The following PUS7L variants were observed in gnomAD, a reference collection of about 807,000 sequenced individuals.
The protein encoded by PUS7L is pseudouridine synthase 7 like.
A neutral mutation model predicts 51.1 loss-of-function variants in PUS7L; 49 were observed. That is an observed-to-expected ratio of 0.96 (90% CI 0.76 to 1.22). The LOEUF (loss-of-function observed/expected upper bound fraction) is 1.22, where lower values mean the gene tolerates loss of function less well. PUS7L is among the 50% of genes most tolerant of loss of function. The pLI is 0.00. For synonymous variants in PUS7L, 277 were observed against 276.2 expected (o/e 1.00, Z -0.03); for missense variants, 828 against 820.6 (o/e 1.01, Z -0.11).
chr12:43,751,488 G>T (rs1938442405), intron 2 of PUS7L, among the ~76,000 whole-genome samples: 1 of 151,942 alleles, frequency 6.6e-6, no homozygotes, highest in African/African-American at 2.4e-5. Context: ...GAGAATGATG[G>T]TTTCCAGCTT....
At chr12:43,758,659 C>CCG in intron 1 of PUS7L, 71 bp downstream of exon 1, 1 of 727,164 alleles carries the variant, frequency 1.4e-6, no homozygotes, top group Non-Finnish European at 1.6e-6. Flanking sequence ...TCGTCACCCC[C>CCG]CCCCCCCACA....
chr12:43,755,222 T>C lies in PUS7L; in HGVS notation c.24A>G (p.Arg8=). The C allele has an allele frequency of 6.2e-7, 1 of 1,600,790 alleles. No homozygotes were observed. Among genetic ancestry groups the C allele is most frequent in the Non-Finnish European group, 8.5e-7 (1 of 1,173,982 alleles). Residue 8 remains arginine (R), a synonymous_variant, in exon 2 of 9, where the codon AGA becomes AGG. Transcript: ENST00000344862. ...AGAAACACAAAGAACTAAACCTGAT[T>C]CTATAATCTGTATCTTCTTCCATTC... MEEDTDY[R]IRFSSLCFFN...
At chr12:43,736,804 T>A in intron 6 of PUS7L, 143 bp from the exon 7 acceptor site, 1 of 626,170 alleles carries the variant, frequency 1.6e-6, no homozygotes, top group Admixed American at 2.9e-5. Flanking sequence ...CTAGCTACAC[T>A]TGAAGAGCTT....
At chr12:43,747,948 C>T (rs957365015) in intron 3 of PUS7L, among the ~76,000 whole-genome samples, 2 of 152,108 alleles carry the variant, frequency 1.3e-5, no homozygotes, top group African/African-American at 4.8e-5. Flanking sequence ...CCATCACATC[C>T]AGCTAATTTT....
chr12:43,723,143 T>C lies in PUS7L; in HGVS notation c.*7233A>G, dbSNP rs544460666. ...AATTTCATGGCTATTCTGACTTCTT[T>C]CCATAGTAAAATTTTTCTTTTGTAA... On this transcript the variant is annotated 3_prime_UTR_variant, in exon 9 of 9. Transcript: ENST00000344862. The C allele has an allele frequency of 6.6e-6, 1 of 152,122 alleles. No homozygotes were observed. The highest frequency in any genetic ancestry group is 1.5e-5 in the Non-Finnish European group (1 of 67,974). The allele number at this position is 152,122 out of a possible 1,614,324, so 9.4% of individuals were successfully genotyped here.
In PUS7L at chr12:43,754,844, A is replaced by G. The variant is rs757244652; in HGVS notation, c.402T>C (p.His134=). ...VLSSFLDEKT[H]ELLNNFACDV... ...CACAGGCAAAATTATTCAGTAACTC[A>G]TGAGTTTTTTCATCCAAAAAGGAGC... Residue 134 remains histidine (H), a synonymous_variant, in exon 2 of 9, where the codon CAT becomes CAC. Transcript: ENST00000344862. 6.2e-7 allele frequency: 1 copy of G among 1,613,730 alleles called. No individual in the cohort carries two copies. Among genetic ancestry groups the G allele is most frequent in the Non-Finnish European group, 8.5e-7 (1 of 1,179,838 alleles).
intron 4 of PUS7L, among the ~76,000 whole-genome samples, chr12:43,745,359 A>C (rs926095760): frequency 1.3e-5 from 2 of 152,148 alleles, no homozygotes; most frequent in Non-Finnish European, 2.9e-5. Flanking sequence ...CATAATCCCC[A>C]CTTGTCATGG....
At chr12:43,747,076 T>C (rs558862605) in intron 3 of PUS7L, among the ~76,000 whole-genome samples, 273 of 152,280 alleles carry the variant, frequency 1.8e-3, no homozygotes, top group African/African-American at 6.3e-3. Context: ...TACTTGCACA[T>C]AGTGGATACT....
chr12:43,738,579 T>C (rs149008223), intron 5 of PUS7L, among the ~76,000 whole-genome samples, 188 bp from the exon 6 acceptor site: 2,191 of 152,278 alleles, frequency 0.014, 58 homozygotes, highest in African/African-American at 0.049. Context: ...GCCTTCTGCA[T>C]GAAATAATTT....
intron 1 of PUS7L, among the ~76,000 whole-genome samples, chr12:43,756,676 C>T (rs576802513): frequency 6.6e-6 from 1 of 152,230 alleles, no homozygotes; most frequent in Non-Finnish European, 1.5e-5. Flanking sequence ...TGGTCATCCA[C>T]TGTCACGGTC....
intron 8 of PUS7L, 70 bp from the exon 9 acceptor site, chr12:43,730,772 A>C: frequency 1.0e-6 from 1 of 991,094 alleles, no homozygotes; most frequent in Non-Finnish European, 1.5e-6. Flanking sequence ...TTTTTAATGT[A>C]CTTTTATGAC....
At position 43,744,878 on chromosome 12, in the gene PUS7L, C is replaced by CT. The variant is rs1289489646; in HGVS notation, c.1263+1167dup. Among the ~76,000 whole-genome samples the CT allele has an allele frequency of 2.6e-5, 4 of 152,150 alleles. No homozygotes were observed. In the East Asian group the frequency reaches 7.7e-4, roughly 29 times the overall value. On this transcript the variant is annotated intron_variant, in intron 4 of 8. Transcript: ENST00000344862. ...TGCCTAACCTGCATCCCCAAATGTTCTTTTTTAATTGGTTCAGGAGTAGAT... is the reference window on the plus strand; with the variant it reads ...TGCCTAACCTGCATCCCCAAATGTTCTTTTTTTAATTGGTTCAGGAGTAGAT...
chr12:43,730,144 T>C lies in PUS7L; in HGVS notation c.*232A>G, dbSNP rs1314468592. 1 of 493,698 alleles carries C rather than the reference T, an allele frequency of 2.0e-6. No homozygotes were observed. The highest frequency in any genetic ancestry group is 3.6e-6 in the Non-Finnish European group (1 of 277,008). The allele number at this position is 493,698 out of a possible 1,614,324, so 30.6% of individuals were successfully genotyped here. Reference sequence around the variant, plus strand: ...ACACAGAATAAAGGTCACTGAAACATATAATAGAAAAAAAACACAGGCTTT... The same window carrying C: ...ACACAGAATAAAGGTCACTGAAACACATAATAGAAAAAAAACACAGGCTTT... On this transcript the variant is annotated 3_prime_UTR_variant, in exon 9 of 9. Transcript: ENST00000344862.
chr12:43,752,875 T>C (rs1938522321), intron 2 of PUS7L, among the ~76,000 whole-genome samples: 1 of 152,200 alleles, frequency 6.6e-6, no homozygotes. Flanking sequence ...AGATGGTACA[T>C]TTTATGTTAT....
intron 7 of PUS7L, among the ~76,000 whole-genome samples, chr12:43,733,190 A>C (rs968655747): frequency 2.0e-5 from 3 of 152,156 alleles, no homozygotes; most frequent in Admixed American, 6.5e-5. Context: ...ACACACAAAG[A>C]AAAGTTACCA....
chr12:43,740,951 C>G (rs1365556212), intron 5 of PUS7L: 1 of 152,158 alleles, frequency 6.6e-6, no homozygotes, highest in Non-Finnish European at 1.5e-5. Flanking sequence ...ACTACACATC[C>G]GGGCCAATTG....
intron 6 of PUS7L, 44 bp from the exon 7 acceptor site, chr12:43,736,705 A>G: frequency 6.4e-7 from 1 of 1,561,370 alleles, no homozygotes; most frequent in Non-Finnish European, 8.7e-7. Flanking sequence ...ACTTTTATTT[A>G]AAGGCCAGTT....
rs1944374401 is a variant in PUS7L, at chr12:43,719,699, T to C, written c.*10677A>G. Reference sequence around the variant, plus strand: ...CATAACATAATACTGTCAAATTATATTTTTAAATGAATTTTCCATTTTATC... The same window carrying C: ...CATAACATAATACTGTCAAATTATACTTTTAAATGAATTTTCCATTTTATC... On this transcript the variant is annotated 3_prime_UTR_variant, in exon 9 of 9. Transcript: ENST00000344862. 2.6e-5 allele frequency: 4 copies of C among 152,210 alleles called. No homozygotes were observed. The highest frequency in any genetic ancestry group is 5.9e-5 in the Non-Finnish European group (4 of 68,032). 9.4% of individuals were successfully genotyped at this position (152,210 alleles called of 1,614,324 possible).
chr12:43,734,421 G>GA (rs1944634224), intron 7 of PUS7L, among the ~76,000 whole-genome samples: 1 of 152,134 alleles, frequency 6.6e-6, no homozygotes, highest in Admixed American at 6.6e-5. Context: ...AGCTGCGCCT[G>GA]AATCAATCAT....
Sources: allele counts gnomAD v4.1 joint callset (sites outside exome capture counted in the v4.1 genomes callset), GRCh38; gene constraint gnomAD v4.1.1; transcripts MANE v1.5; gene names NCBI Gene and HGNC (gene_info 2026-07-23, HGNC 2026-07-21).